MTR: variants seen among roughly 807,000 people sequenced by gnomAD.
MTR encodes the protein methionine synthase.
A neutral mutation model predicts 154.8 loss-of-function variants in MTR; 84 were observed. The observed-to-expected ratio is 0.54, with a 90% CI of 0.45 to 0.65. The LOEUF is 0.65. Ranked by LOEUF, MTR falls within the 30% of genes least tolerant of loss-of-function variation. MTR has a pLI of 0.00. For missense variants in MTR, 1,275 were observed against 1,570.2 expected, an observed-to-expected ratio of 0.81 and a Z score of 3.18; for synonymous variants, 554 against 553.9, an observed-to-expected ratio of 1.00 and a Z score of 0.00.
At chr1:236,828,053 C>T (rs1662395558) in intron 11 of MTR, among the ~76,000 whole-genome samples, 1 of 152,092 alleles carries the variant, frequency 6.6e-6, no homozygotes, top group Non-Finnish European at 1.5e-5. Flanking sequence ...TCTCGGCTCA[C>T]TGCAAGCTCC....
rs1187382528 is a variant in MTR at position 236,799,976 on chromosome 1, C to T, written c.35-3452C>T. ...TACGGTGGCTCAACAAACAAGATGCCAGAATTTGCATGTGTGGGGCTGGGT... is the reference window on the plus strand; with the variant it reads ...TACGGTGGCTCAACAAACAAGATGCTAGAATTTGCATGTGTGGGGCTGGGT... On this transcript the variant is annotated intron_variant, in intron 1 of 32. Transcript: ENST00000366577. 3.5e-6 allele frequency: 3 copies of T among 858,112 alleles called. No individual in the cohort carries two copies. In the African/African-American group the frequency reaches 5.5e-5, roughly 16 times the overall value. 53.2% of individuals were successfully genotyped at this position (858,112 alleles called of 1,614,324 possible). A position where few individuals can be genotyped will look rare whatever the true frequency, so the allele number is the denominator to read the frequency against.
intron 19 of MTR, 88 bp from the exon 20 acceptor site, chr1:236,861,037 G>T: frequency 8.5e-7 from 1 of 1,180,992 alleles, no homozygotes; most frequent in Non-Finnish European, 1.2e-6. Context: ...GCATTTTCAT[G>T]ATGGCTCTGT....
At chr1:236,866,062 TA>T (rs1664805576) in intron 22 of MTR, among the ~76,000 whole-genome samples, 1 of 152,214 alleles carries the variant, frequency 6.6e-6, no homozygotes, top group African/African-American at 2.4e-5. Context: ...ACTTGAGTTG[TA>T]AACAAGTATA....
In MTR at chr1:236,850,352, AACAG is replaced by A; in HGVS notation, c.1528_1531del (p.Asp510GlnfsTer14). The A allele has an allele frequency of 6.2e-7, 1 of 1,613,106 alleles. No homozygotes were observed. The highest frequency in any genetic ancestry group is 1.3e-5 in the African/African-American group (1 of 74,992). On this transcript the variant is annotated frameshift_variant, in exon 16 of 33. Coordinates refer to ENST00000366577, the MANE Select transcript of MTR (RefSeq NM_000254.3). LOFTEE classifies it high-confidence loss of function. ...TTTGCTCTTTTCCCTAGGCAACAGA[AACAG>A]ACACAAAAATCAGAGTGTGCACCCG...
chr1:236,829,614 A>C (rs1662494251), intron 12 of MTR, among the ~76,000 whole-genome samples: 1 of 152,220 alleles, frequency 6.6e-6, no homozygotes, highest in South Asian at 2.1e-4. Context: ...CTAGTTACTG[A>C]AAATTCCAAA....
chr1:236,866,378 C>A (rs1160568927), intron 22 of MTR, among the ~76,000 whole-genome samples: 1 of 152,106 alleles, frequency 6.6e-6, no homozygotes, highest in African/African-American at 2.4e-5. Flanking sequence ...AAACTTAATC[C>A]ATAAATATAT....
chr1:236,820,581 G>C, intron 8 of MTR: 1 of 427,092 alleles, frequency 2.3e-6, no homozygotes, highest in South Asian at 3.3e-5. Context: ...ATAAGCGTCA[G>C]TTTCTTAAAA....
At chr1:236,856,482 TTTCTTTC>T (rs1273409758) in intron 18 of MTR, among the ~76,000 whole-genome samples, 2 of 151,956 alleles carry the variant, frequency 1.3e-5, no homozygotes, top group African/African-American at 4.8e-5. Flanking sequence ...TCTTTCTTTT[TTTCTTTC>T]TTCTTTCTTC....
At chr1:236,863,937 C>T (rs992809984) in intron 22 of MTR, among the ~76,000 whole-genome samples, 8 of 151,912 alleles carry the variant, frequency 5.3e-5, no homozygotes, top group Admixed American at 2.6e-4. Context: ...ATTTTAGAAC[C>T]GAGATCTTAT....
At chr1:236,817,155 A>G (rs1472576757) in intron 8 of MTR, among the ~76,000 whole-genome samples, 3 of 152,218 alleles carry the variant, frequency 2.0e-5, no homozygotes, top group Non-Finnish European at 4.4e-5. Flanking sequence ...TTTATTTTTC[A>G]TATCCAAATG....
Position 236,874,744 on chromosome 1 carries a change from G to T in MTR, c.2492G>T (p.Gly831Val). 1 of 1,608,590 alleles carries T rather than the reference G, an allele frequency of 6.2e-7. No individual in the cohort carries two copies. Residue 831 changes from glycine to valine, a missense_variant, in exon 24 of 33, where the codon GGA becomes GTA. Gly to Val is a moderately radical substitution (Grantham distance 109). Transcript: ENST00000366577. ...AAAATAGATATAATTGGCCTGTCAGGACTCATCACTCCTTCCCTGGATGAA... is the reference window on the plus strand; with the variant it reads ...AAAATAGATATAATTGGCCTGTCAGTACTCATCACTCCTTCCCTGGATGAA... Reference protein sequence around the residue: ...DHKADIIGLSGLITPSLDEMI... With the variant: ...DHKADIIGLSVLITPSLDEMI...
At chr1:236,796,164 G>A (rs1447225227) in intron 1 of MTR, among the ~76,000 whole-genome samples, 3 of 152,152 alleles carry the variant, frequency 2.0e-5, no homozygotes, top group Non-Finnish European at 4.4e-5. Flanking sequence ...AGGAAACTCA[G>A]AGAACTATTT....
intron 1 of MTR, among the ~76,000 whole-genome samples, chr1:236,799,321 A>C (rs1461841075): frequency 5.3e-5 from 8 of 149,970 alleles, no homozygotes; most frequent in African/African-American, 1.5e-4. Flanking sequence ...AGATGAGGCC[A>C]CTGTGTTGCC....
chr1:236,826,477 G>A (rs1199008764), intron 10 of MTR, among the ~76,000 whole-genome samples: 1 of 152,030 alleles, frequency 6.6e-6, no homozygotes, highest in South Asian at 2.1e-4. Flanking sequence ...TAAATTTTTT[G>A]TAGAGATGAG....
intron 5 of MTR, among the ~76,000 whole-genome samples, chr1:236,811,365 A>G (rs1450891207): frequency 6.6e-6 from 1 of 152,174 alleles, no homozygotes; most frequent in Non-Finnish European, 1.5e-5. Context: ...GTTATAAACT[A>G]CCATATATAA....
At chr1:236,803,320 C>T (rs766802783) in intron 1 of MTR, 108 bp from the exon 2 acceptor site, 1 of 1,099,674 alleles carries the variant, frequency 9.1e-7, no homozygotes. Context: ...CTTTTATAAA[C>T]TCCATTTACT....
At chr1:236,839,872 A>T (rs1268404559) in intron 15 of MTR, among the ~76,000 whole-genome samples, 1 of 152,232 alleles carries the variant, frequency 6.6e-6, no homozygotes, top group Non-Finnish European at 1.5e-5. Flanking sequence ...GAATCAGGAG[A>T]TGGAACCATG....
chr1:236,815,303 T>G (rs950472576), intron 6 of MTR, among the ~76,000 whole-genome samples: 1 of 152,172 alleles, frequency 6.6e-6, no homozygotes, highest in African/African-American at 2.4e-5. Flanking sequence ...GTGTTACTTA[T>G]TTATTTTTAA....
rs1662224467 is a variant in MTR, at chr1:236,825,285, C to T, written c.866-53C>T. 3 of 1,261,586 alleles carry T rather than the reference C, an allele frequency of 2.4e-6. No individual in the cohort carries two copies. The Admixed American group carries it at 5.2e-5, about 22-fold the overall frequency. The allele number at this position is 1,261,586 out of a possible 1,614,324, so 78.1% of individuals were successfully genotyped here. A position where few individuals can be genotyped will look rare whatever the true frequency, so the allele number is the denominator to read the frequency against. ...TATTAACATAAAGTCTTTAAAAATA[C>T]AGTGTATATTTTTAAGGCAATTTGC... On this transcript the variant is annotated intron_variant, in intron 9 of 32. Coordinates refer to ENST00000366577, the MANE Select transcript of MTR (RefSeq NM_000254.3).
Sources: allele counts gnomAD v4.1 joint callset (sites outside exome capture counted in the v4.1 genomes callset), GRCh38; gene constraint gnomAD v4.1.1; transcripts MANE v1.5; gene names NCBI Gene and HGNC (gene_info 2026-07-23, HGNC 2026-07-21).